Variants in ZNF124 observed in about 807,000 individuals in gnomAD.
ZNF124 encodes the protein zinc finger protein 124, also known as zinc finger protein HZF-16.
Under a neutral mutation model 26.6 loss-of-function variants are expected in ZNF124, and 25 were observed. The ratio of observed to expected loss-of-function variants is 0.94; its 90% CI spans 0.68 to 1.31. The LOEUF (loss-of-function observed/expected upper bound fraction) is 1.31, where lower values mean the gene tolerates loss of function less well. Ranked by LOEUF, ZNF124 falls within the 40% of genes most tolerant of loss-of-function variation. The pLI, the probability that ZNF124 is intolerant of heterozygous loss-of-function variation, is 0.00. For missense variants in ZNF124, 444 were observed against 422.2 expected (o/e 1.05, Z -0.45); for synonymous variants, 129 against 133.3 (o/e 0.97, Z 0.22).
chr1:247,130,136 A>G (rs1672299445), intron 3 of ZNF124, among the ~76,000 whole-genome samples: 1 of 152,216 alleles, frequency 6.6e-6, no homozygotes. Flanking sequence ...TTTTTCGCTG[A>G]TTGAAAAATA....
Position 247,156,336 on chromosome 1 carries a change from A to G in ZNF124, c.*230T>C. ...CTGCAGGCCTTACCACATTTTAAAC[A>G]TTCATATGGATTTTCTTCAGTGAGT... On this transcript the variant is annotated 3_prime_UTR_variant, in exon 4 of 4. Transcript: ENST00000543802. The G allele has an allele frequency of 1.6e-6, 2 of 1,226,286 alleles. No individual in the cohort carries two copies. The highest frequency in any genetic ancestry group is 3.9e-5 in the Admixed American group (1 of 25,678). 76.0% of individuals were successfully genotyped at this position (1,226,286 alleles called of 1,614,324 possible).
chr1:247,154,604 A>C (rs558918620), downstream of ZNF124, among the ~76,000 whole-genome samples: 14 of 152,292 alleles, frequency 9.2e-5, no homozygotes, highest in African/African-American at 3.4e-4. Context: ...AAATGTCTCA[A>C]AAGATGCTAC....
intron 3 of ZNF124, among the ~76,000 whole-genome samples, chr1:247,132,659 C>T (rs183805023): frequency 1.6e-4 from 24 of 152,298 alleles, no homozygotes; most frequent in Admixed American, 5.9e-4. Context: ...GCAGACAGCC[C>T]GGTGCCACAC....
In ZNF124 at chr1:247,155,222, C is replaced by CA. The variant is rs1237719691; in HGVS notation, c.*1343dup. ...CTCTATAATAAACTTTACATACTTA[C>CA]AAATTGACAGCAACTCTATTAGCAA... On this transcript the variant is annotated 3_prime_UTR_variant, in exon 4 of 4. Transcript: ENST00000543802. Among the ~76,000 whole-genome samples the CA allele has an allele frequency of 1.3e-5, 2 of 152,056 alleles. No homozygotes were observed. Among genetic ancestry groups the CA allele is most frequent in the African/African-American group, 4.8e-5 (2 of 41,354 alleles).
intron 3 of ZNF124, among the ~76,000 whole-genome samples, chr1:247,148,202 A>C (rs376957441): frequency 6.6e-6 from 1 of 152,172 alleles, no homozygotes; most frequent in Non-Finnish European, 1.5e-5. Context: ...CTCACACAAC[A>C]ACCTCGCTAA....
At position 247,122,699 on chromosome 1, in the gene ZNF124, T is replaced by C. The variant is rs370940350; in HGVS notation, c.*1169A>G. On this transcript the variant is annotated 3_prime_UTR_variant, in exon 4 of 4. Transcript: ENST00000472531. ...CTGAGATTTCGGGTGTATGTCGCCATGCCTAGCCCTGGGAGTTTTGCAGTA... is the reference window on the plus strand; with the variant it reads ...CTGAGATTTCGGGTGTATGTCGCCACGCCTAGCCCTGGGAGTTTTGCAGTA... 4 of 152,366 alleles carry C rather than the reference T, an allele frequency of 2.6e-5. No individual in the cohort carries two copies. The East Asian group carries it at 7.7e-4, about 29-fold the overall frequency. The allele number at this position is 152,366 out of a possible 1,614,324, so 9.4% of individuals were successfully genotyped here.
chr1:247,131,146 G>T (rs957263565), intron 3 of ZNF124, among the ~76,000 whole-genome samples: 1 of 152,208 alleles, frequency 6.6e-6, no homozygotes, highest in African/African-American at 2.4e-5. Context: ...AAATTGACTA[G>T]AAGGATGGTG....
intron 3 of ZNF124, among the ~76,000 whole-genome samples, chr1:247,143,240 T>C (rs531285055): frequency 2.6e-5 from 4 of 152,246 alleles, no homozygotes; most frequent in African/African-American, 7.2e-5. Context: ...CAAATGCCTA[T>C]ATATATAATA....
At chr1:247,134,694 G>A (rs1672443818) in intron 3 of ZNF124, among the ~76,000 whole-genome samples, 1 of 152,144 alleles carries the variant, frequency 6.6e-6, no homozygotes, top group East Asian at 1.9e-4. Context: ...TTAGATCAAT[G>A]AGACAGAAAA....
rs182857554 is a variant in ZNF124 at position 247,165,339 on chromosome 1, A to G, written c.31-5526T>C. On this transcript the variant is annotated intron_variant, in intron 1 of 3. Transcript: ENST00000543802. ...GACTTCCTATTCGATAAATGGTGCT[A>G]GGATTACTGGCTAGCCACATGCAGA... 1.0e-3 allele frequency among the ~76,000 whole-genome samples: 158 copies of G among 152,314 alleles called. 1 individual carries two copies. The highest frequency in any genetic ancestry group is 3.7e-3 in the East Asian group (19 of 5,192).
At chr1:247,153,684 C>T (rs1400974268), downstream of ZNF124, among the ~76,000 whole-genome samples, 1 of 152,102 alleles carries the variant, frequency 6.6e-6, no homozygotes, top group Non-Finnish European at 1.5e-5. Context: ...AGAACCCCAG[C>T]AACCCACAGT....
At chr1:247,148,337 C>G (rs1338895105) in intron 3 of ZNF124, among the ~76,000 whole-genome samples, 2 of 152,192 alleles carry the variant, frequency 1.3e-5, no homozygotes, top group African/African-American at 4.8e-5. Context: ...TTCTACTTTC[C>G]TCTTATACCA....
In ZNF124 at chr1:247,156,741, T is replaced by C. The variant is rs1673156796; in HGVS notation, c.881A>G (p.Asn294Ser). 2 of 1,613,194 alleles carry C rather than the reference T, an allele frequency of 1.2e-6. No individual in the cohort carries two copies. Among genetic ancestry groups the C allele is most frequent in the South Asian group, 1.1e-5 (1 of 90,912 alleles). ...GGAACATCTGAAGCCTTTACCACAATTGTTACATACATAGGGTTTCTGTGC... is the reference window on the plus strand; with the variant it reads ...GGAACATCTGAAGCCTTTACCACAACTGTTACATACATAGGGTTTCTGTGC... The part of the protein sequence containing the change: ...HIAQKPYVCN[N>S]CGKGFRCSSS... Residue 294 changes from asparagine (N) to serine (S), a missense_variant, in exon 4 of 4, where the codon AAT (asparagine) becomes AGT (serine). Physicochemically the swap from Asn to Ser is conservative, Grantham distance 46. Transcript: ENST00000543802.
downstream of ZNF124, among the ~76,000 whole-genome samples, chr1:247,153,715 C>T (rs1179292180): frequency 1.3e-5 from 2 of 152,058 alleles, no homozygotes; most frequent in African/African-American, 4.8e-5. Flanking sequence ...ACCTAAGCCT[C>T]CAGTGAGGGC....
At chr1:247,162,365 A>AT (rs1452718257) in intron 1 of ZNF124, among the ~76,000 whole-genome samples, 1 of 152,188 alleles carries the variant, frequency 6.6e-6, no homozygotes, top group Non-Finnish European at 1.5e-5. Flanking sequence ...CAAGAGACCC[A>AT]TCTCACATGC....
chr1:247,156,384 A>G lies in ZNF124; in HGVS notation c.*182T>C, dbSNP rs1318357448. On this transcript the variant is annotated 3_prime_UTR_variant, in exon 4 of 4. Transcript: ENST00000543802. Reference sequence around the variant, plus strand: ...AGTCCTTTCAAGTTTTCAAAAAGAAATGGAAAAATTGAATGCTTTACCTTA... The same window carrying G: ...AGTCCTTTCAAGTTTTCAAAAAGAAGTGGAAAAATTGAATGCTTTACCTTA... 13 of 1,255,656 alleles carry G rather than the reference A, an allele frequency of 1.0e-5. No homozygotes were observed. The highest frequency in any genetic ancestry group is 1.5e-5 in the African/African-American group (1 of 64,620). 77.8% of individuals were successfully genotyped at this position (1,255,656 alleles called of 1,614,324 possible). A position where few individuals can be genotyped will look rare whatever the true frequency, so the allele number is the denominator to read the frequency against.
At chr1:247,147,228 C>G (rs1558379131) in intron 3 of ZNF124, among the ~76,000 whole-genome samples, 4 of 127,358 alleles carry the variant, frequency 3.1e-5, no homozygotes, top group Non-Finnish European at 6.7e-5. Context: ...ATTGGCTTAA[C>G]TTTTTTTTTT....
intron 3 of ZNF124, among the ~76,000 whole-genome samples, chr1:247,149,243 A>C (rs920548592): frequency 2.6e-5 from 4 of 152,268 alleles, no homozygotes; most frequent in African/African-American, 9.6e-5. Flanking sequence ...ACATTCCCTT[A>C]CATGTATGAG....
chr1:247,153,210 T>C (rs1672997669), downstream of ZNF124, among the ~76,000 whole-genome samples: 1 of 152,170 alleles, frequency 6.6e-6, no homozygotes, highest in South Asian at 2.1e-4. Context: ...GTTACTTGAT[T>C]TTTTTCAATT....
Sources: gnomAD v4.1 joint callset for allele counts (sites outside exome capture counted in the v4.1 genomes callset) on GRCh38, gnomAD v4.1.1 for gene constraint, MANE v1.5 for transcripts, NCBI Gene and HGNC (gene_info 2026-07-23, HGNC 2026-07-21) for gene names.